OPN5: variants seen among roughly 807,000 people sequenced by gnomAD.
OPN5 encodes opsin-5.
OPN5 carries 18 observed loss-of-function variants against 41.7 expected under a neutral mutation model. That is an observed-to-expected ratio of 0.43 (90% CI 0.30 to 0.64). The LOEUF is 0.64. OPN5 is among the 30% of genes least tolerant of loss of function. OPN5 has a pLI of 0.13. For synonymous variants in OPN5, 178 were observed against 164.3 expected, an observed-to-expected ratio of 1.08 and a Z score of -0.64; for missense variants, 318 against 434.5, an observed-to-expected ratio of 0.73 and a Z score of 2.38.
At chr6:47,794,453 A>T (rs1471067745) in intron 3 of OPN5, among the ~76,000 whole-genome samples, 3 of 152,170 alleles carry the variant, frequency 2.0e-5, no homozygotes, top group Non-Finnish European at 4.4e-5. Context: ...TCTGAAAATG[A>T]TCACTAGTGC....
intron 6 of OPN5, among the ~76,000 whole-genome samples, chr6:47,819,989 C>T (rs1336273847): frequency 2.0e-5 from 3 of 152,172 alleles, no homozygotes; most frequent in African/African-American, 7.2e-5. Context: ...TATACTACAG[C>T]CCTCTGGCCA....
intron 3 of OPN5, among the ~76,000 whole-genome samples, chr6:47,794,317 C>T (rs936708630): frequency 6.6e-6 from 1 of 152,146 alleles, no homozygotes; most frequent in Non-Finnish European, 1.5e-5. Context: ...AACACAAAAC[C>T]AAGGCAGTAA....
intron 4 of OPN5, among the ~76,000 whole-genome samples, chr6:47,804,517 A>T (rs1382838103): frequency 1.3e-5 from 2 of 152,208 alleles, no homozygotes; most frequent in Non-Finnish European, 2.9e-5. Context: ...GTAACATGAA[A>T]GTTTTGAAAA....
At chr6:47,823,130 T>A (rs924574227) in intron 6 of OPN5, among the ~76,000 whole-genome samples, 1 of 152,182 alleles carries the variant, frequency 6.6e-6, no homozygotes, top group Non-Finnish European at 1.5e-5. Flanking sequence ...TGGCCCAGTA[T>A]GTGATTGCAT....
At chr6:47,786,734 A>C in intron 2 of OPN5, 100 bp downstream of exon 2, 1 of 1,016,204 alleles carries the variant, frequency 9.8e-7, no homozygotes, top group East Asian at 2.5e-5. Flanking sequence ...TCTTCCCTTC[A>C]CATCTCCTTC....
At chr6:47,797,826 C>T (rs1329822232) in intron 4 of OPN5, among the ~76,000 whole-genome samples, 1 of 152,168 alleles carries the variant, frequency 6.6e-6, no homozygotes, top group African/African-American at 2.4e-5. Context: ...CAGTTTGTTA[C>T]CCATCATCTT....
At chr6:47,813,463 G>T (rs1762325801) in intron 6 of OPN5, among the ~76,000 whole-genome samples, 1 of 152,154 alleles carries the variant, frequency 6.6e-6, no homozygotes, top group African/African-American at 2.4e-5. Flanking sequence ...TATTATTAAG[G>T]CGAGTGGTGG....
At chr6:47,797,259 T>C (rs147097259) in intron 4 of OPN5, among the ~76,000 whole-genome samples, 28 of 152,302 alleles carry the variant, frequency 1.8e-4, no homozygotes, top group Non-Finnish European at 3.2e-4. Context: ...CTTTGAGGGA[T>C]ATTTTCATCA....
rs115373583 is a variant in OPN5, at chr6:47,820,052, T to G, written c.1057-3931T>G. Among the ~76,000 whole-genome samples, 341 of 152,298 alleles carry G rather than the reference T, an allele frequency of 2.2e-3. 1 individual carries two copies. The highest frequency in any genetic ancestry group is 3.5e-3 in the Non-Finnish European group (240 of 68,028). On this transcript the variant is annotated intron_variant, in intron 6 of 6. Transcript: ENST00000371211. Reference sequence around the variant, plus strand: ...CACTCCAGTTGCTCTATTCAATGCCTGTTTTTGTAAATAAAGTTTTAATGG... The same window carrying G: ...CACTCCAGTTGCTCTATTCAATGCCGGTTTTTGTAAATAAAGTTTTAATGG...
rs763461918 is a variant in OPN5, at chr6:47,808,216, G to A, written c.819G>A (p.Val273=). The stretch of plus-strand genomic sequence containing the variant: ...GGATTCCTTATGCAGTGGTGTCTGT[G>A]TGGTCAGCTTTTGGAAGGCCAGACT... The change falls in exon 5 of 7, where the codon GTG becomes GTA. Residue 273 remains valine (V), a synonymous_variant. Transcript: ENST00000371211. The A allele has an allele frequency of 3.1e-6, 5 of 1,613,834 alleles. No homozygotes were observed. In the East Asian group the frequency reaches 6.7e-5, roughly 22 times the overall value.
At chr6:47,789,445 C>G (rs926050314) in intron 2 of OPN5, among the ~76,000 whole-genome samples, 70 of 149,228 alleles carry the variant, frequency 4.7e-4, no homozygotes, top group Non-Finnish European at 1.9e-4. Context: ...AGAAAATAAA[C>G]TTGTCAGTCT....
downstream of OPN5, chr6:47,826,341 C>T (rs780780476): frequency 1.3e-5 from 2 of 152,152 alleles, no homozygotes; most frequent in Non-Finnish European, 2.9e-5. Flanking sequence ...AAACCTAGTC[C>T]TGCAAAACTA....
chr6:47,805,629 A>T (rs149833373), intron 4 of OPN5, among the ~76,000 whole-genome samples: 16 of 152,236 alleles, frequency 1.1e-4, no homozygotes, highest in Non-Finnish European at 2.4e-4. Context: ...AAGGCTGTGG[A>T]CCATTTCCTG....
At chr6:47,800,308 G>A (rs1318542641) in intron 4 of OPN5, among the ~76,000 whole-genome samples, 3 of 152,138 alleles carry the variant, frequency 2.0e-5, no homozygotes, top group Non-Finnish European at 4.4e-5. Flanking sequence ...TGGGTGAAGG[G>A]GTGGGGATTG....
chr6:47,824,868 C>T (rs574422857), downstream of OPN5: 83 of 150,984 alleles, frequency 5.5e-4, no homozygotes, highest in African/African-American at 1.9e-3. Flanking sequence ...CCCCATAATT[C>T]AATAAAATAG....
chr6:47,795,686 C>G, intron 4 of OPN5, 123 bp downstream of exon 4: 1 of 674,006 alleles, frequency 1.5e-6, no homozygotes. Context: ...TAATTCTGAA[C>G]TTCGTTGATG....
intron 1 of OPN5, among the ~76,000 whole-genome samples, chr6:47,785,442 C>G (rs1358048385): frequency 6.6e-6 from 1 of 152,174 alleles, no homozygotes; most frequent in Non-Finnish European, 1.5e-5. Context: ...ATACCATCAG[C>G]TGAATCACAC....
chr6:47,793,210 C>T (rs949288103), intron 3 of OPN5, among the ~76,000 whole-genome samples: 2 of 152,014 alleles, frequency 1.3e-5, no homozygotes, highest in Non-Finnish European at 2.9e-5. Context: ...GTTAAACTTC[C>T]TGAGAGTGTT....
chr6:47,805,306 T>G (rs575279083), intron 4 of OPN5, among the ~76,000 whole-genome samples: 2 of 152,282 alleles, frequency 1.3e-5, no homozygotes, highest in South Asian at 4.2e-4. Context: ...GGTGAGAATT[T>G]TGGCCAAGGA....
Sources: allele counts gnomAD v4.1 joint callset (sites outside exome capture counted in the v4.1 genomes callset), GRCh38; gene constraint gnomAD v4.1.1; transcripts MANE v1.5; gene names NCBI Gene and HGNC (gene_info 2026-07-23, HGNC 2026-07-21).